Variants in ZNF541 observed in about 807,000 individuals in gnomAD.
The protein encoded by ZNF541 is zinc finger protein 541.
A neutral mutation model predicts 123.5 loss-of-function variants in ZNF541; 23 were observed. The ratio of observed to expected loss-of-function variants is 0.19; its 90% CI spans 0.13 to 0.26. ZNF541 has a LOEUF of 0.26. Among genes scored for constraint, ZNF541 ranks in the 10% least tolerant of loss-of-function variants. The pLI is 1.00. For synonymous variants in ZNF541, 751 were observed against 754.5 expected (o/e 1.00, Z 0.08); for missense variants, 1,612 against 1,789.9 (o/e 0.90, Z 1.79).
chr19:47,567,450 G>A (rs961917436), intron 2 of ZNF541, among the ~76,000 whole-genome samples: 2 of 152,094 alleles, frequency 1.3e-5, no homozygotes, highest in African/African-American at 2.4e-5. Context: ...GTAGAGATGG[G>A]GTTTCACCAT....
chr19:47,538,081 G>T, intron 9 of ZNF541, 61 bp downstream of exon 9: 1 of 1,523,264 alleles, frequency 6.6e-7, no homozygotes, highest in South Asian at 1.2e-5. Context: ...AAGGTAGAGT[G>T]GCTGTGGTCC....
rs1284468424 is a variant in ZNF541, at chr19:47,545,362, G to A, written c.1167C>T (p.Ser389=). 1 of 1,541,120 alleles carries A rather than the reference G, an allele frequency of 6.5e-7. No homozygotes were observed. The highest frequency in any genetic ancestry group is 1.4e-5 in the African/African-American group (1 of 72,954). The part of the protein sequence containing the change: ...STAECWPEGG[S]VPACLPLFRG... ...GGAAGAGAGGCAGGCAGGCAGGCAC[G>A]GAGCCGCCTTCGGGCCAGCACTCCG... is the stretch of plus-strand genomic sequence containing the variant. The change falls in exon 5 of 17, where the codon TCC becomes TCT. Residue 389 remains serine, a synonymous_variant. Coordinates refer to ENST00000391901, the MANE Select transcript of ZNF541 (RefSeq NM_001277075.3). This position sits in a 1 kb window ranked among gnomAD's most constrained non-coding sequence, Gnocchi z 7.5.
chr19:47,533,359 CAAAAAAAAAAAAAAAAAAAAAAA>C (rs57243927), intron 9 of ZNF541, among the ~76,000 whole-genome samples: 463 of 18,754 alleles, frequency 0.025, 14 homozygotes, highest in African/African-American at 0.083. Flanking sequence ...GACTCCATCT[CAAAAAAAAAAAAAAAAAAAAAAA>C]AAAAAAAAAA....
At chr19:47,547,147 A>G (rs993086411) in intron 4 of ZNF541, among the ~76,000 whole-genome samples, 1 of 152,144 alleles carries the variant, frequency 6.6e-6, no homozygotes, top group Admixed American at 6.6e-5. Flanking sequence ...ATTCCTGAGA[A>G]CCAGAATTCT....
chr19:47,557,566 G>A (rs1019848985), intron 2 of ZNF541, among the ~76,000 whole-genome samples: 2 of 152,134 alleles, frequency 1.3e-5, no homozygotes, highest in South Asian at 4.1e-4. Context: ...GAGGCTGGGC[G>A]CCAGGGCTCA....
chr19:47,558,181 C>T (rs996342123), intron 2 of ZNF541, among the ~76,000 whole-genome samples: 1 of 152,100 alleles, frequency 6.6e-6, no homozygotes, highest in African/African-American at 2.4e-5. Context: ...CTTTGGGAGA[C>T]CGAGGTGGGC....
intron 12 of ZNF541, among the ~76,000 whole-genome samples, chr19:47,530,335 A>ATTTTTTT (rs10586987): frequency 1.5e-5 from 2 of 131,902 alleles, no homozygotes; most frequent in Non-Finnish European, 3.2e-5. Flanking sequence ...CTCCCTGCTA[A>ATTTTTTT]TTTTTTTTTT....
At chr19:47,547,660 T>C (rs1208708329) in intron 4 of ZNF541, among the ~76,000 whole-genome samples, 2 of 152,110 alleles carry the variant, frequency 1.3e-5, no homozygotes, top group Admixed American at 1.3e-4. Flanking sequence ...GATGGATTAG[T>C]CAAAGCCCCT....
intron 12 of ZNF541, among the ~76,000 whole-genome samples, chr19:47,531,083 C>T (rs58259992): frequency 0.025 from 3,847 of 152,222 alleles, 166 homozygotes; most frequent in African/African-American, 0.087. Flanking sequence ...TGCTGAGGAC[C>T]TGCTATATGC....
intron 14 of ZNF541, among the ~76,000 whole-genome samples, chr19:47,526,570 C>G (rs1266242197): frequency 1.3e-5 from 2 of 151,048 alleles, no homozygotes; most frequent in South Asian, 4.2e-4. Context: ...ATAAGGCATA[C>G]AGACAGCAAA....
In ZNF541 at chr19:47,532,975, A is replaced by G; in HGVS notation, c.3095-3T>C. On this transcript the variant is annotated splice_polypyrimidine_tract_variant and splice_region_variant and intron_variant, in intron 9 of 16. Transcript: ENST00000391901. ...GCCAAAGGACCCATCCACTTGATCT[A>G]GAAAGCACAGAGTGAAAAGGCTCAA... 6.5e-7 allele frequency: 1 copy of G among 1,548,674 alleles called. No individual in the cohort carries two copies. The highest frequency in any genetic ancestry group is 8.7e-7 in the Non-Finnish European group (1 of 1,145,422).
intron 12 of ZNF541, among the ~76,000 whole-genome samples, chr19:47,531,017 C>A (rs1477717158): frequency 6.6e-6 from 1 of 152,124 alleles, no homozygotes; most frequent in Non-Finnish European, 1.5e-5. Context: ...GGCCCTGGCC[C>A]CAGTGCCTAC....
chr19:47,528,109 G>A (rs1969387994), intron 14 of ZNF541, among the ~76,000 whole-genome samples: 1 of 141,204 alleles, frequency 7.1e-6, no homozygotes, highest in South Asian at 2.4e-4. Flanking sequence ...GAGGTCGGGG[G>A]TTCGAGACTA....
chr19:47,522,040 T>C (rs1400942505), intron 14 of ZNF541, 46 bp from the exon 15 acceptor site: 1 of 1,548,494 alleles, frequency 6.5e-7, no homozygotes, highest in South Asian at 1.2e-5. Flanking sequence ...ACGCGGGCCC[T>C]GGGAGTGTGA....
chr19:47,567,778 T>G (rs1419716250), intron 2 of ZNF541, among the ~76,000 whole-genome samples: 2 of 152,236 alleles, frequency 1.3e-5, no homozygotes, highest in Non-Finnish European at 2.9e-5. Flanking sequence ...CACTGATTTC[T>G]GTGCCCTGCC....
At chr19:47,554,217 T>C (rs1568512186) in intron 3 of ZNF541, among the ~76,000 whole-genome samples, 1 of 152,158 alleles carries the variant, frequency 6.6e-6, no homozygotes, top group Non-Finnish European at 1.5e-5. Context: ...GCAGATTGCT[T>C]GAGCTCAGTT....
chr19:47,572,803 C>A (rs1200957173), intron 1 of ZNF541, among the ~76,000 whole-genome samples: 2 of 151,472 alleles, frequency 1.3e-5, no homozygotes, highest in Non-Finnish European at 2.9e-5. Flanking sequence ...GTGCAGCGGG[C>A]CAGGGGATCC....
In ZNF541 at chr19:47,544,417, A is replaced by C; in HGVS notation, c.2112T>G (p.Gly704=). The C allele has an allele frequency of 6.4e-7, 1 of 1,551,164 alleles. No individual in the cohort carries two copies. ...PSTGQRQTQL[G]GEEPPGASLP... ...GCGAGGCTCCTGGTGGCTCCTCCCCACCTAACTGGGTCTGCCGTTGGCCTG... is the reference window on the plus strand; with the variant it reads ...GCGAGGCTCCTGGTGGCTCCTCCCCCCCTAACTGGGTCTGCCGTTGGCCTG... The change falls in exon 5 of 17, where the codon GGT becomes GGG. Residue 704 remains glycine, a synonymous_variant. Transcript: ENST00000391901.
rs1415070972 is a variant in ZNF541, at chr19:47,538,269, G to A, written c.2967C>T (p.Phe989=). 1.9e-6 allele frequency: 3 copies of A among 1,551,364 alleles called. No individual in the cohort carries two copies. Among genetic ancestry groups the A allele is most frequent in the Non-Finnish European group, 2.6e-6 (3 of 1,146,792 alleles). ...FLVDCLLKGL[F]QCSPYTPPPM... ...GGGGTGGTGTGTAGGGGGAGCACTG[G>A]AATAAGCCCTTCAGGAGGCAGTCCA... The change falls in exon 9 of 17, where the codon TTC becomes TTT. Residue 989 remains phenylalanine, a synonymous_variant. Transcript: ENST00000391901.
Sources: allele counts gnomAD v4.1 joint callset (sites outside exome capture counted in the v4.1 genomes callset), GRCh38; gene constraint gnomAD v4.1.1; non-coding constraint Gnocchi (gnomAD v3.1); transcripts MANE v1.5; gene names NCBI Gene and HGNC (gene_info 2026-07-23, HGNC 2026-07-21).